Variants in ATP6V1C2 observed in about 807,000 individuals in gnomAD.
The protein encoded by ATP6V1C2 is V-type proton ATPase subunit C 2.
Under a neutral mutation model 56.8 loss-of-function variants are expected in ATP6V1C2, and 45 were observed. The ratio of observed to expected loss-of-function variants is 0.79; its 90% CI spans 0.62 to 1.02. ATP6V1C2 has a LOEUF of 1.02. ATP6V1C2 is among the 50% of genes least tolerant of loss of function. The probability of loss-of-function intolerance (pLI) is 0.00; values close to 1 mark genes in which losing one functional copy is unlikely to be tolerated. For synonymous variants in ATP6V1C2, 220 were observed against 201.3 expected (o/e 1.09, Z -0.79); for missense variants, 463 against 519.7 (o/e 0.89, Z 1.06).
At position 10,771,972 on chromosome 2, in the gene ATP6V1C2, T is replaced by C. The variant is rs1001486823; in HGVS notation, c.569+35T>C. On this transcript the variant is annotated intron_variant, in intron 7 of 13. Transcript: ENST00000272238. ...GGGCGATCACGAAGGAAACCGGCCC[T>C]GCCCAGTGGAGAGGAAGGTGGACCC... 2.5e-6 allele frequency: 4 copies of C among 1,576,852 alleles called. No homozygotes were observed. In the African/African-American group the frequency reaches 4.0e-5, roughly 16 times the overall value.
rs764717987 is a variant in ATP6V1C2, at chr2:10,784,171, T to A, written c.*908T>A. On this transcript the variant is annotated 3_prime_UTR_variant, in exon 14 of 14. Transcript: ENST00000272238. ...GGTTAAAAGGCCACTGGTAGAGTCA[T>A]CTGAGTGTAGAGAATGTCCCTTCAC... 1 of 958,450 alleles carries A rather than the reference T, an allele frequency of 1.0e-6. No homozygotes were observed. The highest frequency in any genetic ancestry group is 2.3e-5 in the Admixed American group (1 of 43,896). 59.4% of individuals were successfully genotyped at this position (958,450 alleles called of 1,614,324 possible).
intron 10 of ATP6V1C2, 38 bp downstream of exon 10, chr2:10,775,109 C>G: frequency 5.3e-6 from 8 of 1,519,852 alleles, no homozygotes; most frequent in Non-Finnish European, 7.3e-6. Flanking sequence ...CGCCCCTACC[C>G]GGAGGCCTGG....
chr2:10,722,699 A>G, intron 1 of ATP6V1C2, 125 bp from the exon 2 acceptor site: 1 of 1,082,666 alleles, frequency 9.2e-7, no homozygotes. Context: ...TGCTTTTGCA[A>G]ATGGATGTCC....
chr2:10,735,625 G>T (rs1379340361), intron 3 of ATP6V1C2, among the ~76,000 whole-genome samples: 3 of 146,380 alleles, frequency 2.0e-5, no homozygotes, highest in Non-Finnish European at 3.0e-5. Flanking sequence ...AAAGGATCTT[G>T]CTCTGTCACC....
chr2:10,778,555 C>T lies in ATP6V1C2; in HGVS notation c.964-17C>T. 1.9e-6 allele frequency: 3 copies of T among 1,612,668 alleles called. No individual in the cohort carries two copies. Among genetic ancestry groups the T allele is most frequent in the South Asian group, 1.1e-5 (1 of 91,044 alleles). Reference sequence around the variant, plus strand: ...GGGGTGTTCAGCAGGGGTCACCTGGCTCTTCTGTCTTTGCAGGGCCCCCTG... The same window carrying T: ...GGGGTGTTCAGCAGGGGTCACCTGGTTCTTCTGTCTTTGCAGGGCCCCCTG... On this transcript the variant is annotated splice_polypyrimidine_tract_variant and intron_variant, in intron 11 of 13. Transcript: ENST00000272238.
At position 10,783,524 on chromosome 2, in the gene ATP6V1C2, T is replaced by G; in HGVS notation, c.*261T>G. The G allele has an allele frequency of 8.5e-6, 3 of 354,808 alleles. No individual in the cohort carries two copies. Among genetic ancestry groups the G allele is most frequent in the Non-Finnish European group, 1.6e-5 (3 of 191,004 alleles). 22.0% of individuals were successfully genotyped at this position (354,808 alleles called of 1,614,324 possible). A position where few individuals can be genotyped will look rare whatever the true frequency, so the allele number is the denominator to read the frequency against. On this transcript the variant is annotated 3_prime_UTR_variant, in exon 14 of 14. Transcript: ENST00000272238. ...GAACTACCTGTTCGCATTGGTAACC[T>G]GCTGCTGTATTTCATGTCTTAACGG...
intron 4 of ATP6V1C2, among the ~76,000 whole-genome samples, chr2:10,755,121 G>A (rs966213491): frequency 1.3e-5 from 2 of 152,076 alleles, no homozygotes; most frequent in Non-Finnish European, 2.9e-5. Context: ...AGATTCAAGC[G>A]ATTCTCCCGC....
At chr2:10,767,143 A>G (rs1297058947) in intron 5 of ATP6V1C2, among the ~76,000 whole-genome samples, 1 of 148,754 alleles carries the variant, frequency 6.7e-6, no homozygotes, top group Non-Finnish European at 1.5e-5. Context: ...ATATTTTTTT[A>G]ATTATCATTT....
rs1223392119 is a variant in ATP6V1C2, at chr2:10,768,710, C to T, written c.379-9C>T. Reference sequence around the variant, plus strand: ...AGGGTCACCTGGAGCTTTTGCTTTCCCAAAACAGCAACTGGCGCAGATCGA... The same window carrying T: ...AGGGTCACCTGGAGCTTTTGCTTTCTCAAAACAGCAACTGGCGCAGATCGA... On this transcript the variant is annotated splice_polypyrimidine_tract_variant and intron_variant, in intron 5 of 13. Transcript: ENST00000272238. The T allele has an allele frequency of 5.6e-6, 9 of 1,613,752 alleles. No individual in the cohort carries two copies. The highest frequency in any genetic ancestry group is 7.6e-6 in the Non-Finnish European group (9 of 1,179,840).
chr2:10,755,850 G>A (rs374000645), intron 4 of ATP6V1C2, among the ~76,000 whole-genome samples: 3 of 152,192 alleles, frequency 2.0e-5, no homozygotes, highest in Admixed American at 1.3e-4. Flanking sequence ...GTGCAGTCAC[G>A]TTGGGAATGT....
At chr2:10,775,716 C>T (rs1176734111) in intron 10 of ATP6V1C2, among the ~76,000 whole-genome samples, 3 of 152,248 alleles carry the variant, frequency 2.0e-5, no homozygotes, top group East Asian at 1.9e-4. Flanking sequence ...GTCCCTCCAC[C>T]GCTCCGGGAA....
At chr2:10,739,349 G>A (rs893149492) in intron 3 of ATP6V1C2, among the ~76,000 whole-genome samples, 2 of 152,076 alleles carry the variant, frequency 1.3e-5, no homozygotes, top group Admixed American at 6.6e-5. Flanking sequence ...AACCCTCCAT[G>A]GCTTTTCTGT....
Position 10,778,553 on chromosome 2 carries a change from G to C in ATP6V1C2, c.964-19G>C. The C allele has an allele frequency of 6.2e-7, 1 of 1,612,492 alleles. No individual in the cohort carries two copies. Among genetic ancestry groups the C allele is most frequent in the Non-Finnish European group, 8.5e-7 (1 of 1,178,674 alleles). On this transcript the variant is annotated intron_variant, in intron 11 of 13. Coordinates refer to ENST00000272238, the MANE Select transcript of ATP6V1C2 (RefSeq NM_001039362.2). ...GCGGGGTGTTCAGCAGGGGTCACCT[G>C]GCTCTTCTGTCTTTGCAGGGCCCCC...
intron 6 of ATP6V1C2, among the ~76,000 whole-genome samples, chr2:10,769,390 C>T (rs72777385): frequency 1.7e-3 from 266 of 152,226 alleles, no homozygotes; most frequent in Admixed American, 3.6e-3. Flanking sequence ...TAGTGAGTGT[C>T]CTGTTGTTGG....
intron 5 of ATP6V1C2, among the ~76,000 whole-genome samples, chr2:10,764,840 G>A (rs1040663713): frequency 7.2e-5 from 11 of 152,082 alleles, no homozygotes; most frequent in East Asian, 1.9e-4. Context: ...GCGTGGTGGC[G>A]CACACCTGTA....
At chr2:10,745,464 C>T (rs1662857738) in intron 3 of ATP6V1C2, among the ~76,000 whole-genome samples, 1 of 151,854 alleles carries the variant, frequency 6.6e-6, no homozygotes. Flanking sequence ...AAGTGATTCT[C>T]CTGCCTCAGC....
intron 3 of ATP6V1C2, among the ~76,000 whole-genome samples, chr2:10,730,431 A>G (rs1342282592): frequency 6.6e-6 from 1 of 151,786 alleles, no homozygotes; most frequent in African/African-American, 2.4e-5. Context: ...GAGGATTTCT[A>G]ATCTGCAGAT....
intron 3 of ATP6V1C2, among the ~76,000 whole-genome samples, chr2:10,737,649 C>T (rs1292387265): frequency 6.6e-6 from 1 of 152,116 alleles, no homozygotes; most frequent in African/African-American, 2.4e-5. Context: ...ATACTTTAGG[C>T]GCTTTGCTGC....
intron 3 of ATP6V1C2, among the ~76,000 whole-genome samples, chr2:10,729,799 G>C (rs556153790): frequency 6.6e-6 from 1 of 152,336 alleles, no homozygotes; most frequent in South Asian, 2.1e-4. Context: ...AGGCTGAGCT[G>C]AGCTGTGATC....
Sources: allele counts gnomAD v4.1 joint callset (sites outside exome capture counted in the v4.1 genomes callset), GRCh38; gene constraint gnomAD v4.1.1; transcripts MANE v1.5; gene names NCBI Gene and HGNC (gene_info 2026-07-23, HGNC 2026-07-21).